Variants in DSE observed in about 807,000 individuals in gnomAD.
DSE encodes dermatan-sulfate epimerase.
A neutral mutation model predicts 84.4 loss-of-function variants in DSE; 36 were observed. The observed-to-expected ratio is 0.43, with a 90% CI of 0.33 to 0.56. The LOEUF (loss-of-function observed/expected upper bound fraction) is 0.56. Ranked by LOEUF, DSE falls within the 20% of genes least tolerant of loss-of-function variation. The probability of loss-of-function intolerance (pLI) is 0.06; values close to 1 mark genes in which losing one functional copy is unlikely to be tolerated. For synonymous variants in DSE, 410 were observed against 430.1 expected, an observed-to-expected ratio of 0.95 and a Z score of 0.58; for missense variants, 862 against 1,169.6, an observed-to-expected ratio of 0.74 and a Z score of 3.84.
intron 2 of DSE, among the ~76,000 whole-genome samples, chr6:116,295,703 C>T (rs1375714519): frequency 6.6e-6 from 1 of 152,106 alleles, no homozygotes; most frequent in Non-Finnish European, 1.5e-5. Context: ...TGGAAGAGAA[C>T]AGTCTTAATT....
intron 2 of DSE, among the ~76,000 whole-genome samples, chr6:116,337,703 A>T (rs928422300): frequency 6.6e-6 from 1 of 152,258 alleles, no homozygotes; most frequent in African/African-American, 2.4e-5. Context: ...GATATTACTG[A>T]TGATTACAAA....
intron 1 of DSE, among the ~76,000 whole-genome samples, chr6:116,379,526 C>G (rs1009991765): frequency 6.6e-5 from 10 of 151,934 alleles, no homozygotes; most frequent in Non-Finnish European, 1.3e-4. Context: ...AATGAGAACC[C>G]AAGAGAAATA....
In DSE at chr6:116,322,073, C is replaced by A. The variant is rs184545209; in HGVS notation, c.-54+63106C>A. On this transcript the variant is annotated intron_variant, in intron 2 of 3. Coordinates refer to the DSE transcript ENST00000430252. ...AATTCCTGTCCCTTTTAAAGGCTCA[C>A]AACTCTAAGGGGGTGCGTGTGAGAG... Among the ~76,000 whole-genome samples the A allele has an allele frequency of 5.4e-3, 815 of 151,948 alleles. 9 individuals carry two copies. The highest frequency in any genetic ancestry group is 0.019 in the African/African-American group (786 of 41,518).
intron 2 of DSE, among the ~76,000 whole-genome samples, chr6:116,347,970 C>T (rs904399999): frequency 6.6e-6 from 1 of 152,156 alleles, no homozygotes; most frequent in Non-Finnish European, 1.5e-5. Context: ...ACAACCCCAT[C>T]AAAAAGTGGG....
At chr6:116,322,766 C>T (rs1776402973) in intron 2 of DSE, among the ~76,000 whole-genome samples, 1 of 152,046 alleles carries the variant, frequency 6.6e-6, no homozygotes, top group Non-Finnish European at 1.5e-5. Context: ...GTAATCAGCC[C>T]ATGTGCATGT....
chr6:116,261,295 T>G (rs1772402728), intron 2 of DSE, among the ~76,000 whole-genome samples: 1 of 152,070 alleles, frequency 6.6e-6, no homozygotes, highest in Non-Finnish European at 1.5e-5. Flanking sequence ...TGGTGCGATA[T>G]CAGTTCACCG....
At chr6:116,375,420 C>T (rs988197915) in intron 1 of DSE, 16 of 460,726 alleles carry the variant, frequency 3.5e-5, no homozygotes, top group African/African-American at 3.4e-4. Context: ...GGGAGGATCA[C>T]TTGAGCCCAG....
At chr6:116,287,933 T>TG (rs2114664861) in intron 2 of DSE, among the ~76,000 whole-genome samples, 1 of 152,246 alleles carries the variant, frequency 6.6e-6, no homozygotes, top group South Asian at 2.1e-4. Flanking sequence ...GGAAGAACTA[T>TG]GGGATGGTCT....
At chr6:116,278,709 G>A (rs773035028) in intron 2 of DSE, 19 of 1,614,194 alleles carry the variant, frequency 1.2e-5, no homozygotes, top group South Asian at 7.7e-5. Flanking sequence ...AGAAGCTGCA[G>A]ATGAGGTCTT....
At chr6:116,279,990 G>A in intron 2 of DSE, 1 of 1,063,204 alleles carries the variant, frequency 9.4e-7, no homozygotes, top group Non-Finnish European at 1.4e-6. Context: ...AGAACTTGCT[G>A]AGCCCGGGAT....
intron 2 of DSE, among the ~76,000 whole-genome samples, chr6:116,356,773 C>T (rs553547762): frequency 1.3e-5 from 2 of 152,188 alleles, no homozygotes; most frequent in Non-Finnish European, 2.9e-5. Flanking sequence ...TTCTCCCTCC[C>T]GTGCTGCTTG....
At chr6:116,420,182 G>A (rs1355917512) in intron 2 of DSE, among the ~76,000 whole-genome samples, 1 of 152,110 alleles carries the variant, frequency 6.6e-6, no homozygotes, top group East Asian at 1.9e-4. Flanking sequence ...TGTTTTCAAA[G>A]ACCTAATTTC....
rs1313185530 is a variant in DSE at position 116,436,368 on chromosome 6, A to G, written c.1900A>G (p.Thr634Ala). Residue 634 changes from threonine to alanine, a missense_variant, in exon 6 of 6, where the codon ACA becomes GCA. Coordinates refer to ENST00000644252, the MANE Select transcript of DSE (RefSeq NM_013352.4). ...YSEKATFASV[T>A]YPRGYPYNGT... ...CGAGAAAGCAACCTTTGCCTCAGTGACATATCCTCGGGGCTATCCCTACAA... is the reference window on the plus strand; with the variant it reads ...CGAGAAAGCAACCTTTGCCTCAGTGGCATATCCTCGGGGCTATCCCTACAA... The G allele has an allele frequency of 6.2e-7, 1 of 1,614,064 alleles. No individual in the cohort carries two copies. Among genetic ancestry groups the G allele is most frequent in the African/African-American group, 1.3e-5 (1 of 74,920 alleles).
intron 1 of DSE, among the ~76,000 whole-genome samples, chr6:116,373,224 G>A (rs749724628): frequency 1.3e-5 from 2 of 152,152 alleles, no homozygotes; most frequent in African/African-American, 4.8e-5. Flanking sequence ...TTAGCTGGGC[G>A]TGGTGTCGCG....
At chr6:116,352,975 T>C (rs1015893017) in intron 2 of DSE, among the ~76,000 whole-genome samples, 1 of 152,220 alleles carries the variant, frequency 6.6e-6, no homozygotes, top group Non-Finnish European at 1.5e-5. Context: ...CTGTGGAATG[T>C]GTTTGTCAGA....
At chr6:116,338,205 CTTCT>C (rs1239619331) in intron 2 of DSE, among the ~76,000 whole-genome samples, 103 of 138,842 alleles carry the variant, frequency 7.4e-4, no homozygotes, top group African/African-American at 2.7e-3. Context: ...TTCTTCTTAC[CTTCT>C]TTCTTCTTTC....
chr6:116,350,879 G>T (rs1778270778), intron 2 of DSE, among the ~76,000 whole-genome samples: 2 of 150,418 alleles, frequency 1.3e-5, no homozygotes, highest in Non-Finnish European at 3.0e-5. Flanking sequence ...CTATTTAATT[G>T]TATAAAGATT....
upstream of DSE, chr6:116,366,689 A>G (rs988498557): frequency 2.0e-5 from 3 of 152,212 alleles, no homozygotes. Context: ...GAGGCTTTAG[A>G]CACAAAAAGT....
chr6:116,356,480 CAT>C (rs1314132163), intron 2 of DSE, among the ~76,000 whole-genome samples: 1 of 152,128 alleles, frequency 6.6e-6, no homozygotes, highest in Non-Finnish European at 1.5e-5. Context: ...TTTTTAAAAA[CAT>C]ATTTTAATGT....
Sources: allele counts gnomAD v4.1 joint callset (sites outside exome capture counted in the v4.1 genomes callset), GRCh38; gene constraint gnomAD v4.1.1; transcripts MANE v1.5; gene names NCBI Gene and HGNC (gene_info 2026-07-23, HGNC 2026-07-21).